KLKB1: variants seen among roughly 807,000 people sequenced by gnomAD.
KLKB1 encodes the protein plasma kallikrein.
A neutral mutation model predicts 73.6 loss-of-function variants in KLKB1; 58 were observed. The observed-to-expected ratio is 0.79, with a 90% CI of 0.64 to 0.98. KLKB1 has a LOEUF of 0.98. Among genes scored for constraint, KLKB1 ranks in the 50% least tolerant of loss-of-function variants. The pLI is 0.00. For missense variants in KLKB1, 737 were observed against 763.8 expected, an observed-to-expected ratio of 0.96 and a Z score of 0.41; for synonymous variants, 280 against 258.1, an observed-to-expected ratio of 1.08 and a Z score of -0.81.
At chr4:186,248,290 C>T (rs955429070) in intron 6 of KLKB1, among the ~76,000 whole-genome samples, 7 of 151,734 alleles carry the variant, frequency 4.6e-5, no homozygotes, top group Non-Finnish European at 8.8e-5. Context: ...AAAAGAAAGG[C>T]TGTCTTTCTC....
At chr4:186,255,455 T>C (rs4253319) in intron 12 of KLKB1, among the ~76,000 whole-genome samples, 20,283 of 152,122 alleles carry the variant, frequency 0.13, 1,582 homozygotes, top group Middle Eastern at 0.21. Flanking sequence ...TAGTCCCAGC[T>C]AGTCAAGAGG....
chr4:186,223,863 G>A (rs971353149), upstream of KLKB1, among the ~76,000 whole-genome samples: 2 of 152,200 alleles, frequency 1.3e-5, no homozygotes, highest in African/African-American at 2.4e-5. Context: ...ATGGGGAAAT[G>A]TCTCCAGGGC....
chr4:186,240,241 A>G (rs1330498265), intron 6 of KLKB1, among the ~76,000 whole-genome samples: 1 of 151,884 alleles, frequency 6.6e-6, no homozygotes, highest in Non-Finnish European at 1.5e-5. Context: ...TAGTTATAGG[A>G]CAGTGATGTA....
intron 2 of KLKB1, among the ~76,000 whole-genome samples, chr4:186,217,908 T>C (rs34852777): frequency 0.11 from 16,265 of 152,230 alleles, 956 homozygotes; most frequent in South Asian, 0.19. Flanking sequence ...GACAGGAAGG[T>C]CTAAAGTCTA....
chr4:186,246,401 A>G (rs1394234460), intron 6 of KLKB1, among the ~76,000 whole-genome samples: 1 of 152,174 alleles, frequency 6.6e-6, no homozygotes, highest in South Asian at 2.1e-4. Flanking sequence ...GGGAGGGACC[A>G]ATGTGTAAAA....
intron 2 of KLKB1, among the ~76,000 whole-genome samples, chr4:186,216,435 A>G (rs189521590): frequency 5.7e-4 from 87 of 152,218 alleles, no homozygotes; most frequent in African/African-American, 2.0e-3. Flanking sequence ...CAGAAAGACA[A>G]AGAATGGTGA....
intron 6 of KLKB1, among the ~76,000 whole-genome samples, chr4:186,245,829 T>G (rs1210905698): frequency 4.4e-5 from 6 of 136,036 alleles, no homozygotes; most frequent in African/African-American, 7.8e-5. Flanking sequence ...TTTTGGTTTT[T>G]TTTTTTTAAT....
chr4:186,251,661 T>C lies in KLKB1; in HGVS notation c.1031+12T>C. 1.2e-6 allele frequency: 2 copies of C among 1,613,524 alleles called. No individual in the cohort carries two copies. The highest frequency in any genetic ancestry group is 1.7e-6 in the Non-Finnish European group (2 of 1,179,528). ...TGTAAGGAAGAGAAGTAAAGGAAAT[T>C]TTATTTTTCAAAGACAGTTGACATG... On this transcript the variant is annotated intron_variant, in intron 9 of 14. Transcript: ENST00000264690.
chr4:186,215,365 C>T (rs113435394), intron 2 of KLKB1, among the ~76,000 whole-genome samples: 3,299 of 118,084 alleles, frequency 0.028, 144 homozygotes, highest in African/African-American at 0.11. Context: ...TCTTTCCTTC[C>T]TTCCTTCCTT....
intron 11 of KLKB1, among the ~76,000 whole-genome samples, chr4:186,253,910 A>G (rs1738842166): frequency 6.6e-6 from 1 of 152,106 alleles, no homozygotes; most frequent in South Asian, 2.1e-4. Context: ...ATCTTGGTTC[A>G]CTGCAGCCTC....
At chr4:186,230,635 A>T (rs964913054) in intron 2 of KLKB1, among the ~76,000 whole-genome samples, 7 of 152,176 alleles carry the variant, frequency 4.6e-5, no homozygotes, top group Non-Finnish European at 1.0e-4. Context: ...ACCTACTAGA[A>T]GTTTCTTTCC....
At chr4:186,247,907 C>T (rs1398700287) in intron 6 of KLKB1, among the ~76,000 whole-genome samples, 2 of 152,152 alleles carry the variant, frequency 1.3e-5, no homozygotes, top group East Asian at 1.9e-4. Flanking sequence ...GATTGCACAA[C>T]GATCACCACT....
chr4:186,215,772 T>G (rs1736886948), intron 2 of KLKB1, among the ~76,000 whole-genome samples: 1 of 152,150 alleles, frequency 6.6e-6, no homozygotes, highest in African/African-American at 2.4e-5. Flanking sequence ...AGTTGGGGTT[T>G]GGCCATGTTT....
At chr4:186,236,310 T>A (rs1737690548) in intron 4 of KLKB1, among the ~76,000 whole-genome samples, 1 of 152,220 alleles carries the variant, frequency 6.6e-6, no homozygotes, top group Non-Finnish European at 1.5e-5. Flanking sequence ...TTGATCTGGA[T>A]GCAATTTGTC....
chr4:186,242,137 C>G (rs959207353), intron 6 of KLKB1, among the ~76,000 whole-genome samples: 2 of 140,960 alleles, frequency 1.4e-5, no homozygotes, highest in Admixed American at 7.1e-5. Context: ...GGGTTGTTCT[C>G]TGGCGGGCAG....
In KLKB1 at chr4:186,250,228, T is replaced by C. The variant is rs1399430999; in HGVS notation, c.599-15T>C. Reference sequence around the variant, plus strand: ...GTCATTTCCTAAGGAACATCTTCTCTCTGTGAGTTCACAGGTTGCCACATG... The same window carrying C: ...GTCATTTCCTAAGGAACATCTTCTCCCTGTGAGTTCACAGGTTGCCACATG... On this transcript the variant is annotated splice_polypyrimidine_tract_variant and intron_variant, in intron 6 of 14. Transcript: ENST00000264690. The C allele has an allele frequency of 1.9e-6, 3 of 1,613,178 alleles. No homozygotes were observed. The African/African-American group carries it at 4.0e-5, about 22-fold the overall frequency.
At chr4:186,237,248 G>A (rs1446022114) in intron 5 of KLKB1, among the ~76,000 whole-genome samples, 8 of 152,070 alleles carry the variant, frequency 5.3e-5, no homozygotes, top group African/African-American at 1.7e-4. Flanking sequence ...ACAGGCGTCC[G>A]CCACCATGCC....
chr4:186,224,683 G>A (rs1006180120), upstream of KLKB1, among the ~76,000 whole-genome samples: 36 of 152,194 alleles, frequency 2.4e-4, no homozygotes, highest in Non-Finnish European at 3.1e-4. Context: ...TTGAGGGAAG[G>A]GACTTGCCTT....
chr4:186,220,070 A>G (rs981309258), intron 2 of KLKB1, among the ~76,000 whole-genome samples: 2 of 151,774 alleles, frequency 1.3e-5, no homozygotes, highest in Non-Finnish European at 2.9e-5. Flanking sequence ...TGGTGGCAGC[A>G]TTTTTCCCTC....
Sources: gnomAD v4.1 joint callset for allele counts (sites outside exome capture counted in the v4.1 genomes callset) on GRCh38, gnomAD v4.1.1 for gene constraint, MANE v1.5 for transcripts, NCBI Gene and HGNC (gene_info 2026-07-23, HGNC 2026-07-21) for gene names.